Variants in TEP1 observed in about 807,000 individuals in gnomAD.
TEP1 encodes telomerase associated protein 1, also known as telomerase protein component 1.
In TEP1, 241 loss-of-function variants were observed where a neutral mutation model predicts 306.3. The observed-to-expected ratio is 0.79, with a 90% confidence interval of 0.71 to 0.88. The LOEUF (loss-of-function observed/expected upper bound fraction) is 0.88, where lower values mean the gene tolerates loss of function less well. Ranked by LOEUF, TEP1 falls within the 40% of genes least tolerant of loss-of-function variation. TEP1 has a pLI of 0.00. For missense variants in TEP1, 3,051 were observed against 3,276.1 expected (o/e 0.93, Z 1.68); for synonymous variants, 1,289 against 1,305.5 (o/e 0.99, Z 0.27).
rs546420207 is a variant in TEP1, at chr14:20,388,874, G to C, written c.2525+364C>G. Among the ~76,000 whole-genome samples the C allele has an allele frequency of 1.4e-3, 209 of 152,338 alleles. 1 individual carries two copies. The highest frequency in any genetic ancestry group is 4.9e-3 in the African/African-American group (203 of 41,574). ...TTAAAAAAGAAGTAACTGGAGCCGG[G>C]TGCGGTGGCTCACGCCTGTAATCCC... On this transcript the variant is annotated intron_variant, in intron 17 of 54. Coordinates refer to ENST00000262715, the MANE Select transcript of TEP1 (RefSeq NM_007110.5).
chr14:20,377,816 G>C, intron 39 of TEP1, 63 bp from the exon 40 acceptor site: 1 of 1,590,578 alleles, frequency 6.3e-7, no homozygotes, highest in South Asian at 1.1e-5. Context: ...TTCCTGTTTT[G>C]AGTTACAGCC....
At chr14:20,405,048 G>A (rs772284515) in intron 4 of TEP1, among the ~76,000 whole-genome samples, 1 of 152,072 alleles carries the variant, frequency 6.6e-6, no homozygotes, top group Non-Finnish European at 1.5e-5. Context: ...TGCATCAACA[G>A]CTATCAAAAA....
chr14:20,371,265 C>T lies in TEP1; in HGVS notation c.7270G>A (p.Gly2424Ser). The change falls in exon 51 of 55, where the codon GGC becomes AGC. Residue 2424 changes from glycine to serine, a missense_variant. By Grantham distance (56) the Gly-to-Ser change is moderately conservative (BLOSUM62 0). This residue lies in a region of TEP1 where 1,540 missense variants were observed against 1,705.9 expected (regional missense o/e 0.90). Transcript: ENST00000262715. ...PMILSTHKEY[G>S]IFVLQPKDPG... The stretch of plus-strand genomic sequence containing the variant: ...TCCTTGGGCTGCAGGACAAATATGC[C>T]ATACTCCTTGTGGGTGGACAATATC... 2.5e-6 allele frequency: 4 copies of T among 1,614,176 alleles called. No individual in the cohort carries two copies. The highest frequency in any genetic ancestry group is 3.4e-6 in the Non-Finnish European group (4 of 1,180,024).
intron 15 of TEP1, 132 bp from the exon 16 acceptor site, chr14:20,389,872 AT>A (rs1431550051): frequency 1.7e-6 from 2 of 1,209,544 alleles, no homozygotes; most frequent in African/African-American, 3.0e-5. Context: ...AGCACATAGA[AT>A]GAGGGAAGCC....
At chr14:20,393,530 G>A (rs961786827) in intron 12 of TEP1, among the ~76,000 whole-genome samples, 3 of 152,180 alleles carry the variant, frequency 2.0e-5, no homozygotes, top group East Asian at 3.9e-4. Context: ...GGTGGCTTAC[G>A]CCTGTAATCC....
rs375452214 is a variant in TEP1 at position 20,387,970 on chromosome 14, C to T, written c.2619G>A (p.Gly873=). 2.7e-5 allele frequency: 43 copies of T among 1,613,892 alleles called. No individual in the cohort carries two copies. The highest frequency in any genetic ancestry group is 3.0e-5 in the Non-Finnish European group (35 of 1,179,990). ...CTTCCAGTGGCCGGAGAGACTGGACCCCTGTCTTTCCTGGGGGTGGTGGAA... is the reference window on the plus strand; with the variant it reads ...CTTCCAGTGGCCGGAGAGACTGGACTCCTGTCTTTCCTGGGGGTGGTGGAA... The part of the protein sequence containing the change: ...FKIPPPPGKT[G]VQSLRPLEED... The change falls in exon 18 of 55, where the codon GGG becomes GGA. Residue 873 remains glycine (G), a synonymous_variant. Transcript: ENST00000262715.
intron 1 of TEP1, among the ~76,000 whole-genome samples, chr14:20,410,010 G>T (rs1879517613): frequency 1.2e-5 from 1 of 82,526 alleles, no homozygotes. Context: ...GACAGAGCAA[G>T]ACTCTGTCTC....
intron 35 of TEP1, among the ~76,000 whole-genome samples, 155 bp downstream of exon 35, chr14:20,379,775 T>TTG (rs1377636433): frequency 3.3e-5 from 5 of 152,236 alleles, no homozygotes; most frequent in Non-Finnish European, 5.9e-5. Flanking sequence ...TGCTGTGTGA[T>TTG]TGATTTTTTG....
At chr14:20,409,951 G>A (rs1327365276) in intron 1 of TEP1, among the ~76,000 whole-genome samples, 2 of 143,808 alleles carry the variant, frequency 1.4e-5, no homozygotes, top group Admixed American at 1.4e-4. Context: ...GAACCAGGGA[G>A]GCGGAGCTTG....
intron 15 of TEP1, 36 bp from the exon 16 acceptor site, chr14:20,389,776 G>A (rs1877538904): frequency 1.2e-6 from 2 of 1,612,328 alleles, no homozygotes; most frequent in Admixed American, 1.7e-5. Flanking sequence ...CTAGAGAAGG[G>A]ATGCTAGACA....
chr14:20,410,056 A>T (rs1211217733), intron 1 of TEP1, among the ~76,000 whole-genome samples: 14 of 138,898 alleles, frequency 1.0e-4, no homozygotes, highest in African/African-American at 3.7e-4. Context: ...AAAAAAAAAA[A>T]TGCCTACCTC....
intron 51 of TEP1, among the ~76,000 whole-genome samples, chr14:20,370,481 G>A (rs1225669925): frequency 1.3e-5 from 2 of 152,188 alleles, no homozygotes; most frequent in Non-Finnish European, 2.9e-5. Flanking sequence ...CCTTTGCCCA[G>A]AATAATGTCT....
intron 27 of TEP1, 79 bp from the exon 28 acceptor site, chr14:20,382,794 G>T: frequency 1.5e-6 from 2 of 1,349,368 alleles, no homozygotes; most frequent in East Asian, 2.3e-5. Context: ...CAGCCCCTCT[G>T]CCAGGCAGCT....
rs1876932974 is a variant in TEP1, at chr14:20,384,450, C to T, written c.3280G>A (p.Glu1094Lys). The T allele has an allele frequency of 1.2e-6, 2 of 1,614,144 alleles. No homozygotes were observed. Among genetic ancestry groups the T allele is most frequent in the Non-Finnish European group, 1.7e-6 (2 of 1,180,030 alleles). ...AGRPYVGGLE[E>K]FGQLVLQDVW... ...TCCTGCAGAACCAACTGCCCAAACTCCTCCAGCCCGCCAACATAGGGCCGG... is the reference window on the plus strand; with the variant it reads ...TCCTGCAGAACCAACTGCCCAAACTTCTCCAGCCCGCCAACATAGGGCCGG... The change falls in exon 23 of 55, where the codon GAG becomes AAG. Residue 1094 changes from glutamate to lysine, a missense_variant. Transcript: ENST00000262715.
Position 20,372,747 on chromosome 14 carries a change from T to C in TEP1, c.7062A>G (p.Ala2354=). ...EWQVKLRKGS[A]PGNLSLHLNR... ...GCCTGTTTCACCTCAAATTTCCGGG[T>C]GCCGAACCCTTCCGCAGTTTCACTT... Residue 2354 remains alanine (A), a synonymous_variant, in exon 49 of 55, where the codon GCA becomes GCG. Transcript: ENST00000262715. 1 of 1,614,114 alleles carries C rather than the reference T, an allele frequency of 6.2e-7. No homozygotes were observed. The highest frequency in any genetic ancestry group is 8.5e-7 in the Non-Finnish European group (1 of 1,180,010).
At position 20,384,514 on chromosome 14, in the gene TEP1, G is replaced by A; in HGVS notation, c.3222-6C>T. 6.2e-7 allele frequency: 1 copy of A among 1,613,998 alleles called. No individual in the cohort carries two copies. Among genetic ancestry groups the A allele is most frequent in the Non-Finnish European group, 8.5e-7 (1 of 1,180,016 alleles). ...CCCCCCACTCACAGGGGTATCTGTG[G>A]GCAAATCAAGCACAACCAGGTCAGA... On this transcript the variant is annotated splice_region_variant and splice_polypyrimidine_tract_variant and intron_variant, in intron 22 of 54. Coordinates refer to ENST00000262715, the MANE Select transcript of TEP1 (RefSeq NM_007110.5).
At chr14:20,394,632 A>G (rs1442857892) in intron 12 of TEP1, among the ~76,000 whole-genome samples, 1 of 151,806 alleles carries the variant, frequency 6.6e-6, no homozygotes, top group Non-Finnish European at 1.5e-5. Flanking sequence ...GGCACCCACC[A>G]CCACACCCGG....
chr14:20,378,991 G>A lies in TEP1; in HGVS notation c.5242C>T (p.His1748Tyr), dbSNP rs759970420. ...DGLLELWDLQ[H>Y]GCRVLQTKAH... ...GGGAGGACCCCTTACCGACAACCAT[G>A]CTGCAGGTCCCAGAGCTCCAGGAGC... Residue 1748 changes from histidine (H) to tyrosine (Y), a missense_variant, in exon 36 of 55, where the codon CAT becomes TAT. By Grantham distance (83) the His-to-Tyr change is moderately conservative. This residue lies in a region of TEP1 where 1,540 missense variants were observed against 1,705.9 expected (regional missense o/e 0.90). Transcript: ENST00000262715. The A allele has an allele frequency of 4.3e-6, 7 of 1,614,200 alleles. No homozygotes were observed. Among genetic ancestry groups the A allele is most frequent in the East Asian group, 2.2e-5 (1 of 44,884 alleles).
intron 7 of TEP1, among the ~76,000 whole-genome samples, chr14:20,402,777 T>A (rs1257392837): frequency 1.3e-5 from 2 of 152,206 alleles, no homozygotes; most frequent in African/African-American, 4.8e-5. Context: ...TTTGTTTGGT[T>A]TGTTTTTAAA....
Sources: gnomAD v4.1 joint callset for allele counts (sites outside exome capture counted in the v4.1 genomes callset) on GRCh38, gnomAD v4.1.1 for gene constraint, gnomAD v4.1.1 regional missense constraint, MANE v1.5 for transcripts, NCBI Gene and HGNC (gene_info 2026-07-23, HGNC 2026-07-21) for gene names.